Variants in KCNT2 observed in about 807,000 individuals in gnomAD.
KCNT2 encodes potassium sodium-activated channel subfamily T member 2.
KCNT2 carries 67 observed loss-of-function variants against 153.8 expected under a neutral mutation model. The ratio of observed to expected loss-of-function variants is 0.44; its 90% CI spans 0.36 to 0.53. The LOEUF (loss-of-function observed/expected upper bound fraction) is 0.53, where lower values mean the gene tolerates loss of function less well. KCNT2 is among the 20% of genes least tolerant of loss of function. The probability of loss-of-function intolerance (pLI) is 0.00; values close to 1 mark genes in which losing one functional copy is unlikely to be tolerated. For missense variants in KCNT2, 975 were observed against 1,354.8 expected, an observed-to-expected ratio of 0.72 and a Z score of 4.40; for synonymous variants, 500 against 458.8, an observed-to-expected ratio of 1.09 and a Z score of -1.15.
At chr1:196,399,896 T>C (rs565848651) in intron 12 of KCNT2, among the ~76,000 whole-genome samples, 1 of 151,942 alleles carries the variant, frequency 6.6e-6, no homozygotes, top group South Asian at 2.1e-4. Context: ...AGGAAGCCAG[T>C]CTTTATCAGA....
At chr1:196,344,386 C>T (rs1374774689) in intron 14 of KCNT2, among the ~76,000 whole-genome samples, 1 of 152,084 alleles carries the variant, frequency 6.6e-6, no homozygotes, top group Non-Finnish European at 1.5e-5. Flanking sequence ...AGTAGGAAAA[C>T]AACAACATAA....
intron 20 of KCNT2, among the ~76,000 whole-genome samples, chr1:196,318,307 A>T (rs1396303937): frequency 6.6e-6 from 1 of 151,802 alleles, no homozygotes; most frequent in Non-Finnish European, 1.5e-5. Flanking sequence ...TTTCAAATAC[A>T]AGCAAAAGAG....
At chr1:196,517,305 C>T (rs1160228103) in intron 1 of KCNT2, among the ~76,000 whole-genome samples, 1 of 152,160 alleles carries the variant, frequency 6.6e-6, no homozygotes, top group African/African-American at 2.4e-5. Context: ...AAAGCAATAT[C>T]CACACACAGA....
intron 8 of KCNT2, among the ~76,000 whole-genome samples, chr1:196,439,025 T>G (rs1055235887): frequency 6.6e-6 from 1 of 151,870 alleles, no homozygotes; most frequent in African/African-American, 2.4e-5. Context: ...GTTTATGCAC[T>G]TTAGGAAGCA....
At chr1:196,484,666 A>G (rs1327479487) in intron 3 of KCNT2, among the ~76,000 whole-genome samples, 1 of 152,012 alleles carries the variant, frequency 6.6e-6, no homozygotes, top group African/African-American at 2.4e-5. Context: ...TGGGTTTTAC[A>G]TTTAAGTCTT....
intron 8 of KCNT2, among the ~76,000 whole-genome samples, chr1:196,430,361 G>A (rs994337908): frequency 4.0e-5 from 6 of 151,244 alleles, no homozygotes; most frequent in Non-Finnish European, 7.4e-5. Flanking sequence ...CTGGGAATGG[G>A]CTCCCTCACA....
At chr1:196,383,684 C>A (rs1364756232) in intron 13 of KCNT2, among the ~76,000 whole-genome samples, 1 of 152,052 alleles carries the variant, frequency 6.6e-6, no homozygotes. Context: ...TTACTGTAAC[C>A]CTCAGGAAAT....
At chr1:196,389,403 C>G (rs191532329) in intron 13 of KCNT2, among the ~76,000 whole-genome samples, 1 of 151,504 alleles carries the variant, frequency 6.6e-6, no homozygotes, top group Non-Finnish European at 1.5e-5. Flanking sequence ...TAAGCTTGTA[C>G]AGAAGAGGTT....
At chr1:196,265,759 C>T (rs1476655260) in intron 25 of KCNT2, among the ~76,000 whole-genome samples, 2 of 152,132 alleles carry the variant, frequency 1.3e-5, no homozygotes, top group Non-Finnish European at 2.9e-5. Context: ...CTGTCTATGC[C>T]TCCATAACAG....
chr1:196,276,043 C>G (rs2147849628), intron 25 of KCNT2, among the ~76,000 whole-genome samples: 1 of 151,986 alleles, frequency 6.6e-6, no homozygotes, highest in South Asian at 2.1e-4. Context: ...TTATGTTGTT[C>G]TTTCTCTCTC....
At chr1:196,267,829 A>G (rs141289630) in intron 25 of KCNT2, among the ~76,000 whole-genome samples, 1 of 152,270 alleles carries the variant, frequency 6.6e-6, no homozygotes, top group East Asian at 1.9e-4. Context: ...GGAAAGGGCC[A>G]AACTTGGGCA....
intron 22 of KCNT2, among the ~76,000 whole-genome samples, chr1:196,289,457 A>G (rs1322921999): frequency 6.6e-6 from 1 of 152,146 alleles, no homozygotes; most frequent in East Asian, 1.9e-4. Context: ...AATGCCTGGC[A>G]CACAGTCAGT....
At chr1:196,556,853 T>C (rs1658735548) in intron 1 of KCNT2, among the ~76,000 whole-genome samples, 1 of 151,448 alleles carries the variant, frequency 6.6e-6, no homozygotes, top group Admixed American at 6.6e-5. Flanking sequence ...CTGGAGGTCA[T>C]TATGTTAAGT....
In KCNT2 at chr1:196,376,997, T is replaced by C. The variant is rs543475038; in HGVS notation, c.1295-3749A>G. 2.0e-5 allele frequency among the ~76,000 whole-genome samples: 3 copies of C among 151,948 alleles called. No individual in the cohort carries two copies. The East Asian group carries it at 5.8e-4, about 30-fold the overall frequency. ...TAGGGACAATGAATTGTAGGTCTTG[T>C]ATGGTCAAAAGATAGTTGAAGTTCT... On this transcript the variant is annotated intron_variant, in intron 13 of 27. Coordinates refer to ENST00000294725, the MANE Select transcript of KCNT2 (RefSeq NM_198503.5).
intron 1 of KCNT2, among the ~76,000 whole-genome samples, chr1:196,592,990 T>C (rs1437700599): frequency 6.6e-6 from 1 of 150,720 alleles, no homozygotes; most frequent in Non-Finnish European, 1.5e-5. Flanking sequence ...GGAAGTTCTT[T>C]AGTGGTGATT....
intron 1 of KCNT2, among the ~76,000 whole-genome samples, chr1:196,533,524 A>C (rs183250383): frequency 1.4e-4 from 22 of 152,214 alleles, no homozygotes; most frequent in African/African-American, 4.8e-4. Flanking sequence ...CAAGTTCCTC[A>C]ATCTTCTGGA....
intron 3 of KCNT2, 32 bp from the exon 4 acceptor site, chr1:196,482,411 T>TA: frequency 8.1e-7 from 1 of 1,230,430 alleles, no homozygotes; most frequent in Non-Finnish European, 1.1e-6. Flanking sequence ...GTTAGTTTTT[T>TA]AAAATATGAA....
At chr1:196,524,649 A>C (rs1403054446) in intron 1 of KCNT2, among the ~76,000 whole-genome samples, 1 of 152,158 alleles carries the variant, frequency 6.6e-6, no homozygotes, top group Admixed American at 6.6e-5. Context: ...AGTCATATAT[A>C]ATAAGATATA....
chr1:196,283,641 C>A (rs943471442), intron 23 of KCNT2, among the ~76,000 whole-genome samples: 3 of 151,954 alleles, frequency 2.0e-5, no homozygotes, highest in Non-Finnish European at 4.4e-5. Context: ...ATTCAAGAAC[C>A]ATTGACAGTA....
Sources: gnomAD v4.1 joint callset for allele counts (sites outside exome capture counted in the v4.1 genomes callset) on GRCh38, gnomAD v4.1.1 for gene constraint, MANE v1.5 for transcripts, NCBI Gene and HGNC (gene_info 2026-07-23, HGNC 2026-07-21) for gene names.